ATE1: variants seen among roughly 807,000 people sequenced by gnomAD.
ATE1 encodes arginyl-tRNA--protein transferase 1.
Under a neutral mutation model 70.5 loss-of-function variants are expected in ATE1, and 36 were observed. That is an observed-to-expected ratio of 0.51 (90% CI 0.39 to 0.67). ATE1 has a LOEUF of 0.67. ATE1 is among the 30% of genes least tolerant of loss of function. The pLI, the probability that ATE1 is intolerant of heterozygous loss-of-function variation, is 0.00. For synonymous variants in ATE1, 232 were observed against 219.3 expected, an observed-to-expected ratio of 1.06 and a Z score of -0.51; for missense variants, 593 against 629.5, an observed-to-expected ratio of 0.94 and a Z score of 0.62.
At position 121,818,048 on chromosome 10, in the gene ATE1, G is replaced by C. The variant is rs114702881; in HGVS notation, c.1257+18670C>G. ...GCTTATGCCTATAATCCCAGCACCTGAGCTCAGGAATTCAAGACCAGCCTG... is the reference window on the plus strand; with the variant it reads ...GCTTATGCCTATAATCCCAGCACCTCAGCTCAGGAATTCAAGACCAGCCTG... On this transcript the variant is annotated intron_variant, in intron 10 of 11. Transcript: ENST00000224652. Among the ~76,000 whole-genome samples the C allele has an allele frequency of 7.9e-3, 1,205 of 152,050 alleles. 18 individuals carry two copies. Among genetic ancestry groups the C allele is most frequent in the African/African-American group, 0.028 (1,164 of 41,506 alleles).
chr10:121,746,190 A>G (rs916127381), intron 11 of ATE1, among the ~76,000 whole-genome samples: 3 of 152,186 alleles, frequency 2.0e-5, no homozygotes, highest in Non-Finnish European at 2.9e-5. Flanking sequence ...CTTTCTTCAT[A>G]GCACTTACCG....
At chr10:121,916,686 T>A (rs1178212598) in intron 3 of ATE1, among the ~76,000 whole-genome samples, 1 of 151,750 alleles carries the variant, frequency 6.6e-6, no homozygotes, top group African/African-American at 2.4e-5. Context: ...ATACAAAAAA[T>A]TAGCCAGGTA....
chr10:121,820,879 C>A (rs530001645), intron 10 of ATE1, among the ~76,000 whole-genome samples: 1 of 152,156 alleles, frequency 6.6e-6, no homozygotes, highest in Non-Finnish European at 1.5e-5. Context: ...ATACTAAAAT[C>A]GTTTCTTTTA....
At chr10:121,790,028 T>TCACACA in intron 11 of ATE1, 141 bp downstream of exon 11, 1 of 352,932 alleles carries the variant, frequency 2.8e-6, no homozygotes, top group Non-Finnish European at 3.8e-6. Flanking sequence ...TTCCTCTATC[T>TCACACA]TACACACACA....
intron 7 of ATE1, among the ~76,000 whole-genome samples, chr10:121,883,418 T>C (rs1950284953): frequency 6.6e-6 from 1 of 152,104 alleles, no homozygotes; most frequent in South Asian, 2.1e-4. Flanking sequence ...AGGGAACAAA[T>C]GCTAATACTA....
intron 8 of ATE1, among the ~76,000 whole-genome samples, chr10:121,867,296 G>A (rs1196156984): frequency 6.6e-6 from 1 of 152,186 alleles, no homozygotes; most frequent in Non-Finnish European, 1.5e-5. Flanking sequence ...TGCCATCGGT[G>A]AGTAGTAGCC....
intron 11 of ATE1, among the ~76,000 whole-genome samples, chr10:121,788,706 T>C (rs974976864): frequency 1.3e-5 from 2 of 152,030 alleles, no homozygotes; most frequent in Admixed American, 1.3e-4. Flanking sequence ...AGACAACGGG[T>C]GGTAGCTAGA....
chr10:121,902,665 GA>G, intron 5 of ATE1, 45 bp from the exon 6 acceptor site: 1 of 1,532,332 alleles, frequency 6.5e-7, no homozygotes, highest in South Asian at 1.2e-5. Context: ...TTTGGTTCTA[GA>G]AAAGTTTTTT....
chr10:121,748,266 C>A (rs2135686322), intron 11 of ATE1, among the ~76,000 whole-genome samples: 1 of 152,202 alleles, frequency 6.6e-6, no homozygotes, highest in East Asian at 1.9e-4. Flanking sequence ...AATAAAATGT[C>A]ATCCTTTAAT....
At chr10:121,856,045 C>G (rs949318310) in intron 8 of ATE1, among the ~76,000 whole-genome samples, 6 of 144,726 alleles carry the variant, frequency 4.1e-5, no homozygotes, top group African/African-American at 1.5e-4. Flanking sequence ...CATTGCACTC[C>G]AACCTGGGCA....
chr10:121,813,804 C>A (rs968152917), intron 10 of ATE1, among the ~76,000 whole-genome samples: 1 of 152,192 alleles, frequency 6.6e-6, no homozygotes, highest in Non-Finnish European at 1.5e-5. Context: ...CTTTTGCTCC[C>A]CTTCCCAGCT....
intron 11 of ATE1, among the ~76,000 whole-genome samples, chr10:121,744,792 C>A (rs1156397080): frequency 6.6e-6 from 1 of 152,180 alleles, no homozygotes; most frequent in African/African-American, 2.4e-5. Context: ...TGTTTCCCAG[C>A]CTTCCTGTGG....
In ATE1 at chr10:121,907,769, G is replaced by GAA. The variant is rs539648983; in HGVS notation, c.583+3135_583+3136dup. Among the ~76,000 whole-genome samples the GAA allele has an allele frequency of 4.3e-5, 6 of 138,398 alleles. No homozygotes were observed. In the Admixed American group the frequency reaches 4.4e-4, roughly 10 times the overall value. 90.8% of individuals were successfully genotyped at this position (138,398 alleles called of 152,430 possible). ...AGGTGACAGAGCGAGACTCCGTCTC[G>GAA]AAAAAAAAAAAAGATTAAAATGCTG... On this transcript the variant is annotated intron_variant, in intron 5 of 11. Transcript: ENST00000224652.
At chr10:121,887,671 C>T (rs1950447792) in intron 7 of ATE1, among the ~76,000 whole-genome samples, 1 of 152,170 alleles carries the variant, frequency 6.6e-6, no homozygotes, top group Non-Finnish European at 1.5e-5. Context: ...ACGCCACTTG[C>T]ACTCCAGCCT....
At chr10:121,744,220 C>G (rs1052314218) in intron 11 of ATE1, among the ~76,000 whole-genome samples, 1 of 151,970 alleles carries the variant, frequency 6.6e-6, no homozygotes, top group East Asian at 1.9e-4. Flanking sequence ...CTGTACCCAG[C>G]CTTCATTTCT....
At chr10:121,815,187 C>G (rs186384304) in intron 10 of ATE1, among the ~76,000 whole-genome samples, 18 of 152,348 alleles carry the variant, frequency 1.2e-4, no homozygotes, top group African/African-American at 2.9e-4. Flanking sequence ...CCAGGCTGGA[C>G]TGCAGTGGCG....
At position 121,911,102 on chromosome 10, in the gene ATE1, T is replaced by A. The variant is rs767033886; in HGVS notation, c.387A>T (p.Ala129=). 1.2e-6 allele frequency: 2 copies of A among 1,611,158 alleles called. No individual in the cohort carries two copies. The highest frequency in any genetic ancestry group is 2.2e-5 in the South Asian group (2 of 90,034). Residue 129 remains alanine (A), a synonymous_variant, in exon 5 of 12, where the codon GCA becomes GCT. Coordinates refer to ENST00000224652, the MANE Select transcript of ATE1 (RefSeq NM_001001976.3). ...TMDDAVAGDF[A]LINKLDIQCD... ...ACTGTATATCCAGTTTATTTATCAA[T>A]GCAAAGTCACCCGCAACAGCATCAT...
chr10:121,805,018 G>T (rs1489508403), intron 10 of ATE1, among the ~76,000 whole-genome samples: 2 of 152,184 alleles, frequency 1.3e-5, no homozygotes, highest in Non-Finnish European at 2.9e-5. Flanking sequence ...AATATGTAAA[G>T]CCTGTACCAG....
chr10:121,763,196 G>T (rs1254203602), intron 11 of ATE1, among the ~76,000 whole-genome samples: 1 of 152,036 alleles, frequency 6.6e-6, no homozygotes, highest in Non-Finnish European at 1.5e-5. Context: ...ACGCCAAAGT[G>T]GAGACTTATT....
Sources: gnomAD v4.1 joint callset for allele counts (sites outside exome capture counted in the v4.1 genomes callset) on GRCh38, gnomAD v4.1.1 for gene constraint, MANE v1.5 for transcripts, NCBI Gene and HGNC (gene_info 2026-07-23, HGNC 2026-07-21) for gene names.